Variants in S100A5 observed in about 807,000 individuals in gnomAD.
The protein encoded by S100A5 is S100 calcium binding protein A5.
In S100A5, 5 loss-of-function variants were observed where a neutral mutation model predicts 6.7. The ratio of observed to expected loss-of-function variants is 0.75; its 90% CI spans 0.39 to 1.57. The LOEUF (loss-of-function observed/expected upper bound fraction) is 1.57, where lower values mean the gene tolerates loss of function less well. S100A5 is among the 40% of genes most tolerant of loss of function. S100A5 has a pLI of 0.03. For missense variants in S100A5, 129 were observed against 110.8 expected (o/e 1.16, Z -0.74); for synonymous variants, 49 against 44.9 (o/e 1.09, Z -0.37).
chr1:153,542,291 G>T (rs75846847), upstream of S100A5, among the ~76,000 whole-genome samples: 9,718 of 152,232 alleles, frequency 0.064, 439 homozygotes, highest in Non-Finnish European at 0.095. Flanking sequence ...CCCAGCCTGG[G>T]GGGCCTCCCC....
upstream of S100A5, chr1:153,541,843 C>A (rs974790882): frequency 9.7e-7 from 1 of 1,033,876 alleles, no homozygotes; most frequent in African/African-American, 1.7e-5. Context: ...GCCACCCACT[C>A]CAGGAGTAGA....
At chr1:153,541,483 G>T (rs1289294332), upstream of S100A5, 4 of 1,365,740 alleles carry the variant, frequency 2.9e-6, no homozygotes. Context: ...TAGGAATCCA[G>T]GGGAGAGAAA....
Position 153,537,260 on chromosome 1 carries a change from C to T in S100A5, c.*36G>A. The T allele has an allele frequency of 6.3e-7, 1 of 1,598,660 alleles. No individual in the cohort carries two copies. Among genetic ancestry groups the T allele is most frequent in the Non-Finnish European group, 8.6e-7 (1 of 1,167,976 alleles). Reference sequence around the variant, plus strand: ...TGAGAGGAGCAGCCGAGGTCAGCAGCAAAGGGTGGAGGGTGAGGGTGGAGG... The same window carrying T: ...TGAGAGGAGCAGCCGAGGTCAGCAGTAAAGGGTGGAGGGTGAGGGTGGAGG... On this transcript the variant is annotated 3_prime_UTR_variant, in exon 3 of 3. Coordinates refer to ENST00000368717, the MANE Select transcript of S100A5 (RefSeq NM_001394232.1).
intron 2 of S100A5, among the ~76,000 whole-genome samples, chr1:153,537,787 C>T (rs982412789): frequency 2.6e-5 from 4 of 152,202 alleles, no homozygotes; most frequent in African/African-American, 9.6e-5. Flanking sequence ...GTGGCTCACA[C>T]CTGTAATCCT....
At chr1:153,541,764 G>C, upstream of S100A5, 1 of 1,098,082 alleles carries the variant, frequency 9.1e-7, no homozygotes, top group African/African-American at 1.7e-5. Context: ...AGAAGTGTGG[G>C]ACAAACACAG....
chr1:153,540,138 T>C lies in S100A5; in HGVS notation c.54A>G (p.Lys18=). 1 of 1,614,160 alleles carries C rather than the reference T, an allele frequency of 6.2e-7. No homozygotes were observed. Among genetic ancestry groups the C allele is most frequent in the Non-Finnish European group, 8.5e-7 (1 of 1,180,026 alleles). Residue 18 remains lysine, a synonymous_variant, in exon 2 of 3, where the codon AAA becomes AAG. Transcript: ENST00000368717. ...ALTTMVTTFH[K]YSGREGSKLT... is the part of the protein sequence containing the mutation. ...GTTTGCTACCCTCTCTCCCCGAATA[T>C]TTGTGAAACGTGGTCACCATAGTGG...
upstream of S100A5, among the ~76,000 whole-genome samples, chr1:153,542,421 C>G (rs779733978): frequency 3.7e-4 from 57 of 152,282 alleles, no homozygotes; most frequent in Non-Finnish European, 6.9e-4. Flanking sequence ...CCAGGGAGGG[C>G]GCTCCCAGGG....
upstream of S100A5, among the ~76,000 whole-genome samples, chr1:153,542,384 A>G (rs1665418555): frequency 6.6e-6 from 1 of 152,154 alleles, no homozygotes; most frequent in Admixed American, 6.5e-5. Flanking sequence ...GGCATCTCTG[A>G]AGGAGAGCGT....
chr1:153,538,440 C>T (rs1359139555), intron 2 of S100A5, among the ~76,000 whole-genome samples: 2 of 152,222 alleles, frequency 1.3e-5, no homozygotes, highest in Admixed American at 6.5e-5. Flanking sequence ...TTGTCTGTCA[C>T]GTGATCCTAG....
chr1:153,543,086 C>T (rs1005115519), upstream of S100A5, among the ~76,000 whole-genome samples: 5 of 152,162 alleles, frequency 3.3e-5, no homozygotes, highest in Non-Finnish European at 5.9e-5. Context: ...ATTAATCCAT[C>T]CCTGTGGTTT....
chr1:153,541,493 A>C (rs1444098321), upstream of S100A5: 5 of 1,361,814 alleles, frequency 3.7e-6, no homozygotes, highest in Non-Finnish European at 4.9e-6. Context: ...GGGGAGAGAA[A>C]GGGCCCATGA....
chr1:153,537,538 C>T (rs1557888017), intron 2 of S100A5, 102 bp from the exon 3 acceptor site: 6 of 1,417,650 alleles, frequency 4.2e-6, no homozygotes, highest in Non-Finnish European at 4.9e-6. Flanking sequence ...CAGGGTGAGC[C>T]CCAGCTGAGT....
upstream of S100A5, chr1:153,541,873 G>C (rs1277034541): frequency 3.9e-6 from 4 of 1,013,264 alleles, no homozygotes; most frequent in Admixed American, 1.1e-4. Context: ...CCTTGAGATG[G>C]GGATCAGTGG....
At chr1:153,539,489 T>C (rs546951617) in intron 2 of S100A5, among the ~76,000 whole-genome samples, 4 of 139,414 alleles carry the variant, frequency 2.9e-5, no homozygotes, top group African/African-American at 8.4e-5. Flanking sequence ...ATTTATTTAT[T>C]TATCCTCGGG....
chr1:153,542,224 C>G (rs1487722080), upstream of S100A5, among the ~76,000 whole-genome samples: 2 of 152,188 alleles, frequency 1.3e-5, no homozygotes, highest in East Asian at 3.9e-4. Flanking sequence ...CTTCTACCAC[C>G]AGTCCAAGAA....
At chr1:153,543,122 G>T, upstream of S100A5, 1 of 603,942 alleles carries the variant, frequency 1.7e-6, no homozygotes, top group Non-Finnish European at 2.1e-6. Flanking sequence ...GAAGTGGGTG[G>T]CAGGACAGGG....
intron 1 of S100A5, 152 bp from the exon 2 acceptor site, chr1:153,540,357 G>C: frequency 1.4e-6 from 1 of 711,090 alleles, no homozygotes; most frequent in Non-Finnish European, 2.3e-6. Context: ...TATCAGTACA[G>C]GTTACAATGA....
upstream of S100A5, chr1:153,543,118 G>A (rs1665442894): frequency 3.6e-6 from 2 of 559,680 alleles, no homozygotes; most frequent in Non-Finnish European, 4.5e-6. Context: ...TCTGGAAGTG[G>A]GTGGCAGGAC....
In S100A5 at chr1:153,537,263, A is replaced by C; in HGVS notation, c.*33T>G. 6.3e-7 allele frequency: 1 copy of C among 1,599,246 alleles called. No homozygotes were observed. Among genetic ancestry groups the C allele is most frequent in the Non-Finnish European group, 8.6e-7 (1 of 1,168,286 alleles). On this transcript the variant is annotated 3_prime_UTR_variant, in exon 3 of 3. Transcript: ENST00000368717. ...GAGGAGCAGCCGAGGTCAGCAGCAA[A>C]GGGTGGAGGGTGAGGGTGGAGGGCA...
Sources: allele counts gnomAD v4.1 joint callset (sites outside exome capture counted in the v4.1 genomes callset), GRCh38; gene constraint gnomAD v4.1.1; transcripts MANE v1.5; gene names NCBI Gene and HGNC (gene_info 2026-07-23, HGNC 2026-07-21).